Variants in LRTM1 observed in about 807,000 individuals in gnomAD.
The protein encoded by LRTM1 is leucine-rich repeat and transmembrane domain-containing protein 1.
LRTM1 carries 38 observed loss-of-function variants against 32.4 expected under a neutral mutation model. The observed-to-expected ratio is 1.17, with a 90% confidence interval of 0.91 to 1.54. LRTM1 has a LOEUF of 1.54. Ranked by LOEUF, LRTM1 falls within the 40% of genes most tolerant of loss-of-function variation. The pLI is 0.00. For missense variants in LRTM1, 466 were observed against 415.4 expected (o/e 1.12, Z -1.06); for synonymous variants, 186 against 169.9 (o/e 1.09, Z -0.74).
chr3:54,945,715 C>T (rs1040265772), intron 1 of LRTM1, among the ~76,000 whole-genome samples: 16 of 152,180 alleles, frequency 1.1e-4, no homozygotes, highest in African/African-American at 3.9e-4. Context: ...CTATCACTAC[C>T]CCATTAGGTG....
In LRTM1 at chr3:54,924,945, G is replaced by A. The variant is rs1700967766; in HGVS notation, c.278C>T (p.Ala93Val). The change falls in exon 2 of 3, where the codon GCT (alanine) becomes GTT (valine). Residue 93 changes from alanine to valine, a missense_variant. Ala to Val is a moderately conservative substitution (Grantham distance 64). Coordinates refer to ENST00000273286, the MANE Select transcript of LRTM1 (RefSeq NM_020678.4). ...CTGCAAGTGCTGAAGCCCATGGAAA[G>A]CTCCAGGGGCCAGATTTGAAAGGGA... ...NNSLSNLAPG[A>V]FHGLQHLQVL... is the part of the protein sequence containing the mutation. 6.2e-7 allele frequency: 1 copy of A among 1,611,450 alleles called. No homozygotes were observed. Among genetic ancestry groups the A allele is most frequent in the Non-Finnish European group, 8.5e-7 (1 of 1,177,812 alleles).
chr3:54,926,504 A>G (rs1457816817), intron 1 of LRTM1, among the ~76,000 whole-genome samples: 5 of 79,220 alleles, frequency 6.3e-5, no homozygotes, highest in African/African-American at 1.0e-4. Context: ...TGCCTGTCAA[A>G]TACACACACA....
intron 1 of LRTM1, among the ~76,000 whole-genome samples, chr3:54,965,569 GGAGCTTAGTACCCAGTGTA>G (rs1207052706): frequency 4.6e-5 from 7 of 152,162 alleles, no homozygotes; most frequent in African/African-American, 1.7e-4. Context: ...GGACGTGGAG[GGAGCTTAGTACCCAGTGTA>G]GAGCTTAGTA....
intron 1 of LRTM1, among the ~76,000 whole-genome samples, chr3:54,948,068 A>T (rs1701658680): frequency 6.6e-6 from 1 of 152,182 alleles, no homozygotes; most frequent in Non-Finnish European, 1.5e-5. Flanking sequence ...TACGGAGGAG[A>T]TGGTGATGTC....
At chr3:54,964,518 C>T (rs570137131) in intron 1 of LRTM1, among the ~76,000 whole-genome samples, 1 of 152,056 alleles carries the variant, frequency 6.6e-6, no homozygotes, top group Non-Finnish European at 1.5e-5. Flanking sequence ...TATACTGTTA[C>T]TGCTTGAAAT....
intron 2 of LRTM1, 122 bp from the exon 3 acceptor site, chr3:54,919,014 T>A: frequency 1.3e-6 from 1 of 763,422 alleles, no homozygotes; most frequent in Non-Finnish European, 1.9e-6. Context: ...TTTTAAATCC[T>A]GGAGTCAAAG....
At chr3:54,929,241 T>C (rs1701117440), upstream of LRTM1, among the ~76,000 whole-genome samples, 1 of 152,206 alleles carries the variant, frequency 6.6e-6, no homozygotes, top group South Asian at 2.1e-4. Context: ...TACCAGGCTG[T>C]GCCCAGGATT....
rs761085126 is a variant in LRTM1 at position 54,928,049 on chromosome 3, A to G, written c.-138T>C. 10 of 776,256 alleles carry G rather than the reference A, an allele frequency of 1.3e-5. 1 individual carries two copies. Among genetic ancestry groups the G allele is most frequent in the South Asian group, 1.1e-4 (7 of 63,660 alleles). The allele number at this position is 776,256 out of a possible 1,614,324, so 48.1% of individuals were successfully genotyped here. On this transcript the variant is annotated 5_prime_UTR_variant, in exon 1 of 3. Coordinates refer to ENST00000273286, the MANE Select transcript of LRTM1 (RefSeq NM_020678.4). ...TGAACCCTGCCCTTGCTTTTCTTCAATGCAGAAAACAGTTGTTGCTTTCAA... is the reference window on the plus strand; with the variant it reads ...TGAACCCTGCCCTTGCTTTTCTTCAGTGCAGAAAACAGTTGTTGCTTTCAA...
intron 1 of LRTM1, among the ~76,000 whole-genome samples, chr3:54,960,597 GT>G (rs1702008907): frequency 6.6e-6 from 1 of 152,158 alleles, no homozygotes; most frequent in Non-Finnish European, 1.5e-5. Context: ...TCCAAAGGTT[GT>G]TGCTGATCAT....
intron 2 of LRTM1, among the ~76,000 whole-genome samples, chr3:54,921,401 T>A (rs1301392701): frequency 6.6e-6 from 1 of 152,100 alleles, no homozygotes; most frequent in Admixed American, 6.5e-5. Flanking sequence ...TAGCTCAGAG[T>A]AAATGTTTAG....
chr3:54,926,941 A>C (rs1450614342), intron 1 of LRTM1, among the ~76,000 whole-genome samples: 2 of 152,230 alleles, frequency 1.3e-5, no homozygotes, highest in East Asian at 1.9e-4. Flanking sequence ...GTCATTCACC[A>C]AAGTAGCTGT....
In LRTM1 at chr3:54,922,050, A is replaced by G. The variant is rs144743859; in HGVS notation, c.604+2569T>C. Among the ~76,000 whole-genome samples the G allele has an allele frequency of 2.8e-3, 426 of 152,250 alleles. 1 individual carries two copies. The highest frequency in any genetic ancestry group is 9.7e-3 in the African/African-American group (405 of 41,554). On this transcript the variant is annotated intron_variant, in intron 2 of 2. Transcript: ENST00000273286. Reference sequence around the variant, plus strand: ...TATGTTGGGACATCCAGGTCTTATTACCCCAAATCAATTTCTGCCTTCCTC... The same window carrying G: ...TATGTTGGGACATCCAGGTCTTATTGCCCCAAATCAATTTCTGCCTTCCTC...
At chr3:54,939,706 G>A (rs769561273) in intron 1 of LRTM1, among the ~76,000 whole-genome samples, 1 of 152,176 alleles carries the variant, frequency 6.6e-6, no homozygotes, top group Non-Finnish European at 1.5e-5. Context: ...TTCAGAAGCC[G>A]CCCCTGCAGG....
rs550645499 is a variant in LRTM1 at position 54,918,343 on chromosome 3, T to C, written c.*116A>G. ...CATCTTTTTTTTTTCTTTTTTTTTTTTTTTTTTTTTTTGTCTTTTGGCAAA... is the reference window on the plus strand; with the variant it reads ...CATCTTTTTTTTTTCTTTTTTTTTTCTTTTTTTTTTTTGTCTTTTGGCAAA... On this transcript the variant is annotated 3_prime_UTR_variant, in exon 3 of 3. Coordinates refer to ENST00000273286, the MANE Select transcript of LRTM1 (RefSeq NM_020678.4). 8.7e-4 allele frequency: 332 copies of C among 381,294 alleles called. 4 individuals are homozygous for C. The highest frequency in any genetic ancestry group is 5.6e-3 in the East Asian group (104 of 18,456). 23.6% of individuals were successfully genotyped at this position (381,294 alleles called of 1,614,324 possible).
intron 2 of LRTM1, among the ~76,000 whole-genome samples, chr3:54,919,269 A>G (rs1390559430): frequency 6.6e-6 from 1 of 152,264 alleles, no homozygotes; most frequent in East Asian, 1.9e-4. Flanking sequence ...CCCCACAGAC[A>G]AGAAAACTTT....
chr3:54,941,249 T>C (rs923243986), intron 1 of LRTM1, among the ~76,000 whole-genome samples: 2 of 152,232 alleles, frequency 1.3e-5, no homozygotes, highest in African/African-American at 4.8e-5. Context: ...CAGGGGCATA[T>C]AGTGTTTCCA....
At chr3:54,939,706 G>T (rs769561273) in intron 1 of LRTM1, among the ~76,000 whole-genome samples, 1 of 152,176 alleles carries the variant, frequency 6.6e-6, no homozygotes, top group East Asian at 1.9e-4. Flanking sequence ...TTCAGAAGCC[G>T]CCCCTGCAGG....
At chr3:54,966,314 G>C (rs962364794) in intron 1 of LRTM1, among the ~76,000 whole-genome samples, 11 of 152,166 alleles carry the variant, frequency 7.2e-5, no homozygotes, top group African/African-American at 2.7e-4. Flanking sequence ...GCATTTGGAA[G>C]ATGAGATTTA....
At chr3:54,957,460 T>G (rs1488749963) in intron 1 of LRTM1, among the ~76,000 whole-genome samples, 1 of 152,160 alleles carries the variant, frequency 6.6e-6, no homozygotes, top group African/African-American at 2.4e-5. Flanking sequence ...TAAAATAATT[T>G]TCATCATGGA....
Sources: allele counts gnomAD v4.1 joint callset (sites outside exome capture counted in the v4.1 genomes callset), GRCh38; gene constraint gnomAD v4.1.1; transcripts MANE v1.5; gene names NCBI Gene and HGNC (gene_info 2026-07-23, HGNC 2026-07-21).